TTN: variants seen among roughly 807,000 people sequenced by gnomAD.
TTN encodes the protein titin.
A neutral mutation model predicts 3,223.0 loss-of-function variants in TTN; 1,525 were observed. The ratio of observed to expected loss-of-function variants is 0.47; its 90% CI spans 0.45 to 0.49. The LOEUF is 0.49. Among genes scored for constraint, TTN ranks in the 20% least tolerant of loss-of-function variants. The pLI is 0.00. For synonymous variants in TTN, 14,094 were observed against 15,161.0 expected, an observed-to-expected ratio of 0.93 and a Z score of 5.17; for missense variants, 40,786 against 43,424.0, an observed-to-expected ratio of 0.94 and a Z score of 5.40.
chr2:178,695,415 A>G lies in TTN; in HGVS notation c.31208-5T>C. ...GAACTTTTCTCTCATGTGATTCTGAAATAAAAACACAGGAATAAGAAGGGA... is the reference window on the plus strand; with the variant it reads ...GAACTTTTCTCTCATGTGATTCTGAGATAAAAACACAGGAATAAGAAGGGA... On this transcript the variant is annotated splice_polypyrimidine_tract_variant and splice_region_variant and intron_variant, in intron 114 of 362. Coordinates refer to ENST00000589042, the MANE Select transcript of TTN (RefSeq NM_001267550.2). 6.2e-7 allele frequency: 1 copy of G among 1,611,690 alleles called. No homozygotes were observed. The highest frequency in any genetic ancestry group is 8.5e-7 in the Non-Finnish European group (1 of 1,178,228).
At chr2:178,716,869 G>T (rs1003793149) in intron 88 of TTN, among the ~76,000 whole-genome samples, 4 of 151,916 alleles carry the variant, frequency 2.6e-5, no homozygotes, top group Admixed American at 2.6e-4. Flanking sequence ...TCTATTTTTA[G>T]TCTCTTAAAA....
chr2:178,722,273 C>T lies in TTN; in HGVS notation c.22514G>A (p.Arg7505Lys). 1.3e-6 allele frequency: 2 copies of T among 1,592,492 alleles called. No individual in the cohort carries two copies. Among genetic ancestry groups the T allele is most frequent in the Non-Finnish European group, 1.7e-6 (2 of 1,169,712 alleles). Residue 7505 changes from arginine to lysine, a missense_variant, in exon 77 of 363, where the codon AGA becomes AAA. Transcript: ENST00000589042. ...TGTGAACAAACCTCTTGCTGTGAGTCTAGCACTAGAAGATGCTGTTCCAAG... is the reference window on the plus strand; with the variant it reads ...TGTGAACAAACCTCTTGCTGTGAGTTTAGCACTAGAAGATGCTGTTCCAAG... The part of the protein sequence containing the change: ...NPLGTASSSA[R>K]LTAREPKKSP...
rs200355367 is a variant in TTN, at chr2:178,715,537, T to C, written c.25877A>G (p.Asn8626Ser). Residue 8626 changes from asparagine to serine, a missense_variant, in exon 89 of 363, where the codon AAT becomes AGT. Coordinates refer to ENST00000589042, the MANE Select transcript of TTN (RefSeq NM_001267550.2). ...GCTGCTGCTGGCACTGCCTGCTGCA[T>C]TGTGGGCCTCACAGGTGTAGTCTCC... The part of the protein sequence containing the change: ...DSGDYTCEAH[N>S]AAGSASSSTS... 3.3e-4 allele frequency: 527 copies of C among 1,613,430 alleles called. 1 individual carries two copies. Among genetic ancestry groups the C allele is most frequent in the Non-Finnish European group, 4.2e-4 (493 of 1,179,582 alleles).
At chr2:178,745,671 C>A in intron 47 of TTN, 1 of 1,612,140 alleles carries the variant, frequency 6.2e-7, no homozygotes, top group Non-Finnish European at 8.5e-7. Flanking sequence ...TCACTCTTTA[C>A]TAAGCTTGTT....
At position 178,713,963 on chromosome 2, in the gene TTN, C is replaced by T. The variant is rs765131331; in HGVS notation, c.26695G>A (p.Val8899Ile). 2.5e-6 allele frequency: 4 copies of T among 1,613,664 alleles called. No individual in the cohort carries two copies. The highest frequency in any genetic ancestry group is 3.4e-6 in the Non-Finnish European group (4 of 1,179,698). Residue 8899 changes from valine (V) to isoleucine (I), a missense_variant, in exon 92 of 363, where the codon GTA becomes ATA. Transcript: ENST00000589042. ...IINVAPSDSGVYSFEVQNPVG... is the reference protein window; with the variant it reads ...IINVAPSDSGIYSFEVQNPVG... ...GGGTTCTGCACCTCAAAACTGTATA[C>T]CCCACTGTCACTCGGTGCTACATTG...
At chr2:178,764,959 A>G (rs113015973) in intron 41 of TTN, 148 bp from the exon 42 acceptor site, 3 of 822,964 alleles carry the variant, frequency 3.6e-6, no homozygotes, top group Non-Finnish European at 5.7e-6. Context: ...TCAGAATATT[A>G]GAACATTCTT....
intron 1 of TTN, among the ~76,000 whole-genome samples, chr2:178,805,413 A>T (rs1360871483): frequency 6.6e-6 from 1 of 152,014 alleles, no homozygotes; most frequent in Non-Finnish European, 1.5e-5. Flanking sequence ...AAATTATTTT[A>T]AAAATTTTCC....
chr2:178,608,886 G>A lies in TTN; in HGVS notation c.52125C>T (p.Asn17375=). The A allele has an allele frequency of 6.2e-7, 1 of 1,610,362 alleles. No individual in the cohort carries two copies. Among genetic ancestry groups the A allele is most frequent in the Non-Finnish European group, 8.5e-7 (1 of 1,179,090 alleles). Residue 17375 remains asparagine, a synonymous_variant, in exon 274 of 363, where the codon AAC becomes AAT. Coordinates refer to ENST00000589042, the MANE Select transcript of TTN (RefSeq NM_001267550.2). ...TCTTTCTGATATCTTCAAATACAAAGTTGATTGGTGGTCCCGGTGTATCTA... is the reference window on the plus strand; with the variant it reads ...TCTTTCTGATATCTTCAAATACAAAATTGATTGGTGGTCCCGGTGTATCTA... ...SVLDTPGPPI[N]FVFEDIRKTS... is the part of the protein sequence containing the mutation.
In TTN at chr2:178,617,823, TTTCCAACTCCAA is replaced by T; in HGVS notation, c.47516_47527del (p.Ile15839_Gly15842del). 1.2e-6 allele frequency: 2 copies of T among 1,612,540 alleles called. No homozygotes were observed. The highest frequency in any genetic ancestry group is 8.5e-7 in the Non-Finnish European group (1 of 1,179,056). The stretch of plus-strand genomic sequence containing the variant: ...GACGAAGGGTGTGGCTGCACTTGGT[TTTCCAACTCCAA>T]TTCGATTTTGGGCTCTCACTCGGAA... On this transcript the variant is annotated inframe_deletion, in exon 253 of 363. Transcript: ENST00000589042.
chr2:178,573,296 T>C lies in TTN; in HGVS notation c.72836A>G (p.Asp24279Gly), dbSNP rs974475286. The change falls in exon 326 of 363, where the codon GAT (aspartate) becomes GGT (glycine). Residue 24279 changes from aspartate (D) to glycine (G), a missense_variant. Transcript: ENST00000589042. ...CAGTCCAGACACTTTATATCTTAAA[T>C]CAGTAAGAGTTTTTTTGTTGCATTT... ...WIKCNKKTLTDLRYKVSGLTE... is the reference protein window; with the variant it reads ...WIKCNKKTLTGLRYKVSGLTE... 3 of 1,584,264 alleles carry C rather than the reference T, an allele frequency of 1.9e-6. No individual in the cohort carries two copies. The highest frequency in any genetic ancestry group is 2.6e-6 in the Non-Finnish European group (3 of 1,164,996).
At chr2:178,694,381 T>TA (rs927691127) in intron 117 of TTN, 13 of 462,390 alleles carry the variant, frequency 2.8e-5, no homozygotes, top group African/African-American at 2.4e-4. Context: ...TTCTTTATAA[T>TA]AAAAAAATGT....
At chr2:178,628,241 G>T (rs1055896414) in intron 240 of TTN, among the ~76,000 whole-genome samples, 2 of 152,038 alleles carry the variant, frequency 1.3e-5, no homozygotes, top group African/African-American at 4.8e-5. Context: ...GTTACTTGAA[G>T]GCATTGCTTT....
chr2:178,539,276 C>T (rs1401568934), intron 352 of TTN, 25 bp from the exon 353 acceptor site: 4 of 1,608,576 alleles, frequency 2.5e-6, no homozygotes, highest in Non-Finnish European at 8.5e-7. Context: ...GGAAAGCACA[C>T]ATGTATTAGA....
chr2:178,543,593 T>G lies in TTN; in HGVS notation c.96380A>C (p.Glu32127Ala). 4 of 1,606,810 alleles carry G rather than the reference T, an allele frequency of 2.5e-6. No homozygotes were observed. Among genetic ancestry groups the G allele is most frequent in the Non-Finnish European group, 2.5e-6 (3 of 1,179,586 alleles). Residue 32127 changes from glutamate to alanine, a missense_variant, in exon 347 of 363, where the codon GAA becomes GCA. Physicochemically the swap from Glu to Ala is moderately radical, Grantham distance 107. Transcript: ENST00000589042. ...VSRDSVTITW[E>A]IPTIDGGAPV... is the part of the protein sequence containing the mutation. ...AGCTCCACCATCAATCGTGGGAATT[T>G]CCCAAGTTATAGTCACAGAATCTCT...
Position 178,633,853 on chromosome 2 carries a change from T to G in TTN, c.42646A>C (p.Lys14216Gln), listed in dbSNP as rs1450576387. ...DDISQIKAQVKELSSTAQLKV... is the reference protein window; with the variant it reads ...DDISQIKAQVQELSSTAQLKV... ...AGCTGTGCTGTGGAGCTCAGCTCCT[T>G]GACTTGAGCTTTTATCTGAGATATA... Residue 14216 changes from lysine (K) to glutamine (Q), a missense_variant, in exon 231 of 363, where the codon AAG (lysine) becomes CAG (glutamine). Transcript: ENST00000589042. The G allele has an allele frequency of 1.9e-6, 3 of 1,613,428 alleles. No homozygotes were observed. Among genetic ancestry groups the G allele is most frequent in the Non-Finnish European group, 2.5e-6 (3 of 1,179,602 alleles).
At chr2:178,752,874 AT>A (rs567731846) in intron 47 of TTN, among the ~76,000 whole-genome samples, 440 of 152,246 alleles carry the variant, frequency 2.9e-3, no homozygotes, top group Non-Finnish European at 5.1e-3. Flanking sequence ...GACTGCAAAC[AT>A]AAAGTTGAAT....
In TTN at chr2:178,753,284, C is replaced by G. The variant is rs985861120; in HGVS notation, c.11255-104G>C. The G allele has an allele frequency of 5.1e-5, 47 of 915,060 alleles. No individual in the cohort carries two copies. In the African/African-American group the frequency reaches 7.6e-4, roughly 15 times the overall value. The allele number at this position is 915,060 out of a possible 1,614,324, so 56.7% of individuals were successfully genotyped here. The stretch of plus-strand genomic sequence containing the variant: ...TAAAGTTTTCTTTTTATTATAACAA[C>G]AGAAAACTACATTCCCCAAATTTAC... On this transcript the variant is annotated intron_variant, in intron 46 of 362. Coordinates refer to ENST00000589042, the MANE Select transcript of TTN (RefSeq NM_001267550.2).
rs1302659663 is a variant in TTN at position 178,732,629 on chromosome 2, G to A, written c.16432C>T (p.Pro5478Ser). The A allele has an allele frequency of 1.9e-6, 3 of 1,613,356 alleles. No homozygotes were observed. The highest frequency in any genetic ancestry group is 3.3e-5 in the Admixed American group (2 of 59,930). Residue 5478 changes from proline to serine, a missense_variant, in exon 56 of 363, where the codon CCT (proline) becomes TCT (serine). Physicochemically the swap from Pro to Ser is moderately conservative, Grantham distance 74 (BLOSUM62 -1). Coordinates refer to ENST00000589042, the MANE Select transcript of TTN (RefSeq NM_001267550.2). Reference sequence around the variant, plus strand: ...CCCTTAAACCATCTGATTGTGAGAGGAGTAGATCCTTGGAAAGTGCTCTTC... The same window carrying A: ...CCCTTAAACCATCTGATTGTGAGAGAAGTAGATCCTTGGAAAGTGCTCTTC... Reference protein sequence around the residue: ...CLKSTFQGSTPLTIRWFKGNK... With the variant: ...CLKSTFQGSTSLTIRWFKGNK...
intron 326 of TTN, chr2:178,558,866 G>A: frequency 2.0e-6 from 1 of 512,074 alleles, no homozygotes; most frequent in Non-Finnish European, 3.4e-6. Context: ...AAAATGACCA[G>A]ATTAAATGAT....
Sources: allele counts gnomAD v4.1 joint callset (sites outside exome capture counted in the v4.1 genomes callset), GRCh38; gene constraint gnomAD v4.1.1; transcripts MANE v1.5; gene names NCBI Gene and HGNC (gene_info 2026-07-23, HGNC 2026-07-21).